The following RIT2 variants were observed in gnomAD, a reference collection of about 807,000 sequenced individuals.
The protein encoded by RIT2 is GTP-binding protein Rit2.
In RIT2, 24 loss-of-function variants were observed where a neutral mutation model predicts 23.7. That is an observed-to-expected ratio of 1.01 (90% CI 0.73 to 1.43). The LOEUF (loss-of-function observed/expected upper bound fraction) is 1.43. Among genes scored for constraint, RIT2 ranks in the 40% most tolerant of loss-of-function variants. The probability of loss-of-function intolerance (pLI) is 0.00; values close to 1 mark genes in which losing one functional copy is unlikely to be tolerated. For missense variants in RIT2, 236 were observed against 266.9 expected (o/e 0.88, Z 0.81); for synonymous variants, 107 against 91.1 (o/e 1.17, Z -0.99).
chr18:43,048,500 G>A (rs1391022235), intron 1 of RIT2, among the ~76,000 whole-genome samples: 1 of 152,092 alleles, frequency 6.6e-6, no homozygotes, highest in African/African-American at 2.4e-5. Flanking sequence ...TAAGCAATTA[G>A]TTCTCTTTCA....
intron 3 of RIT2, among the ~76,000 whole-genome samples, chr18:42,952,121 T>C (rs1909865400): frequency 6.6e-6 from 1 of 152,100 alleles, no homozygotes; most frequent in Admixed American, 6.6e-5. Context: ...TACATGGGTA[T>C]TATGGGAGCT....
chr18:42,934,609 A>G (rs929373699), intron 3 of RIT2, among the ~76,000 whole-genome samples: 1 of 152,188 alleles, frequency 6.6e-6, no homozygotes, highest in South Asian at 2.1e-4. Context: ...AAAAGTATGG[A>G]TATATGAATA....
intron 1 of RIT2, among the ~76,000 whole-genome samples, chr18:43,064,015 G>A (rs944137999): frequency 6.6e-6 from 1 of 152,142 alleles, no homozygotes; most frequent in Non-Finnish European, 1.5e-5. Flanking sequence ...TAAAGGATTT[G>A]ATTAGAGACT....
intron 1 of RIT2, among the ~76,000 whole-genome samples, chr18:43,114,440 C>T (rs918569237): frequency 3.3e-5 from 5 of 152,060 alleles, no homozygotes; most frequent in Admixed American, 1.3e-4. Flanking sequence ...ATATTGTCTT[C>T]GTCTTTTAAT....
At chr18:42,830,950 T>C (rs1305822379) in intron 4 of RIT2, among the ~76,000 whole-genome samples, 1 of 152,212 alleles carries the variant, frequency 6.6e-6, no homozygotes, top group African/African-American at 2.4e-5. Context: ...CTTCCAATAG[T>C]ATTTTCTAAT....
In RIT2 at chr18:42,808,165, C is replaced by T. The variant is rs896131339; in HGVS notation, c.427-64445G>A. On this transcript the variant is annotated intron_variant, in intron 4 of 4. Coordinates refer to ENST00000326695, the MANE Select transcript of RIT2 (RefSeq NM_002930.4). ...AGCAAAAGCAAAATCATTTAGCATC[C>T]ATTCTCTCGCCTCAGAGTTGCACAA... Among the ~76,000 whole-genome samples, 6 of 152,280 alleles carry T rather than the reference C, an allele frequency of 3.9e-5. No individual in the cohort carries two copies. The East Asian group carries it at 9.6e-4, about 24-fold the overall frequency.
At chr18:42,931,216 T>C (rs1319250442) in intron 3 of RIT2, among the ~76,000 whole-genome samples, 3 of 152,154 alleles carry the variant, frequency 2.0e-5, no homozygotes, top group Admixed American at 6.6e-5. Context: ...TTTTTAAATA[T>C]GTTACTATTC....
At chr18:42,932,089 A>G (rs1909339867) in intron 3 of RIT2, among the ~76,000 whole-genome samples, 1 of 152,228 alleles carries the variant, frequency 6.6e-6, no homozygotes, top group South Asian at 2.1e-4. Flanking sequence ...ATTTGTCTCC[A>G]GATAATTATA....
intron 4 of RIT2, among the ~76,000 whole-genome samples, chr18:42,765,647 G>T (rs183396881): frequency 6.6e-6 from 1 of 152,260 alleles, no homozygotes; most frequent in East Asian, 1.9e-4. Flanking sequence ...GTGACCTCTA[G>T]CCTTAGACTA....
intron 1 of RIT2, among the ~76,000 whole-genome samples, chr18:43,093,320 C>G (rs1913469022): frequency 6.6e-6 from 1 of 152,040 alleles, no homozygotes; most frequent in Non-Finnish European, 1.5e-5. Context: ...GTACCTCCCT[C>G]CCTACTATCA....
At chr18:43,071,428 T>C (rs1912894460) in intron 1 of RIT2, among the ~76,000 whole-genome samples, 1 of 152,178 alleles carries the variant, frequency 6.6e-6, no homozygotes, top group African/African-American at 2.4e-5. Flanking sequence ...AACATCTTTA[T>C]TTCTAGCTAA....
At chr18:43,039,462 C>T (rs1359209599) in intron 1 of RIT2, among the ~76,000 whole-genome samples, 3 of 151,544 alleles carry the variant, frequency 2.0e-5, no homozygotes, top group African/African-American at 7.3e-5. Context: ...AATTATCCTG[C>T]CTCAGCCTCC....
chr18:42,864,174 C>T (rs1413587895), intron 4 of RIT2, among the ~76,000 whole-genome samples: 1 of 152,124 alleles, frequency 6.6e-6, no homozygotes, highest in African/African-American at 2.4e-5. Flanking sequence ...GGTTGCCATG[C>T]CTTTCTCCCT....
chr18:42,938,736 C>CATA (rs2144155089), intron 3 of RIT2, among the ~76,000 whole-genome samples: 1 of 152,136 alleles, frequency 6.6e-6, no homozygotes, highest in African/African-American at 2.4e-5. Flanking sequence ...ATATAGCACA[C>CATA]ATAATACACT....
intron 2 of RIT2, among the ~76,000 whole-genome samples, chr18:43,025,673 C>T (rs1911700544): frequency 6.6e-6 from 1 of 151,932 alleles, no homozygotes; most frequent in African/African-American, 2.4e-5. Flanking sequence ...AAAAAGAAAT[C>T]ATGTCTTCTG....
chr18:43,105,039 C>T (rs1223413882), intron 1 of RIT2, among the ~76,000 whole-genome samples: 1 of 151,768 alleles, frequency 6.6e-6, no homozygotes, highest in Non-Finnish European at 1.5e-5. Flanking sequence ...TCTAATCAGG[C>T]CCTTTGTGGG....
At chr18:42,794,739 A>G (rs1210818273) in intron 4 of RIT2, among the ~76,000 whole-genome samples, 2 of 152,230 alleles carry the variant, frequency 1.3e-5, no homozygotes, top group African/African-American at 4.8e-5. Context: ...TTATTATAGG[A>G]AACAGTTCAT....
intron 1 of RIT2, among the ~76,000 whole-genome samples, chr18:43,099,258 G>A (rs1330149643): frequency 2.6e-5 from 4 of 151,924 alleles, no homozygotes; most frequent in African/African-American, 7.3e-5. Context: ...CATCTATACT[G>A]CATATTAAAT....
At chr18:42,871,676 G>C (rs1335459343) in intron 4 of RIT2, among the ~76,000 whole-genome samples, 3 of 152,160 alleles carry the variant, frequency 2.0e-5, no homozygotes, top group African/African-American at 4.8e-5. Flanking sequence ...GGGCCAACCA[G>C]GTGTAGATGT....
Sources: allele counts gnomAD v4.1 joint callset (sites outside exome capture counted in the v4.1 genomes callset), GRCh38; gene constraint gnomAD v4.1.1; transcripts MANE v1.5; gene names NCBI Gene and HGNC (gene_info 2026-07-23, HGNC 2026-07-21).